Variants in HEATR4 observed in about 807,000 individuals in gnomAD.
HEATR4 encodes HEAT repeat containing 4, also known as HEAT repeat-containing protein 4.
Under a neutral mutation model 108.8 loss-of-function variants are expected in HEATR4, and 95 were observed. That is an observed-to-expected ratio of 0.87 (90% CI 0.74 to 1.04). The LOEUF (loss-of-function observed/expected upper bound fraction) is 1.04. Among genes scored for constraint, HEATR4 ranks in the 50% least tolerant of loss-of-function variants. The pLI, the probability that HEATR4 is intolerant of heterozygous loss-of-function variation, is 0.00. For synonymous variants in HEATR4, 443 were observed against 459.4 expected (o/e 0.96, Z 0.46); for missense variants, 1,152 against 1,253.8 (o/e 0.92, Z 1.23).
At chr14:73,615,648 T>A in the HEATR4 span, among the ~76,000 whole-genome samples, 1 of 151,856 alleles carries the variant, frequency 6.6e-6, no homozygotes, top group Non-Finnish European at 1.5e-5. Context: ...GAGAATCGCT[T>A]GAACCCGGGG....
At chr14:73,569,479 C>T in the HEATR4 span, 5 of 1,612,710 alleles carry the variant, frequency 3.1e-6, no homozygotes, top group South Asian at 2.2e-5. Flanking sequence ...TGGGACGAAC[C>T]GGTGCGAATC....
At chr14:73,479,929 A>G (rs1418417694) in intron 17 of HEATR4, among the ~76,000 whole-genome samples, 2 of 152,036 alleles carry the variant, frequency 1.3e-5, no homozygotes. Context: ...CTCTCAGCCT[A>G]CTCTGGCTTG....
chr14:73,491,052 G>A (rs1321109304), intron 17 of HEATR4: 3 of 1,589,902 alleles, frequency 1.9e-6, no homozygotes, highest in Non-Finnish European at 1.7e-6. Flanking sequence ...GGGCCGTTGA[G>A]GCGCGGGCGG....
intron 2 of HEATR4, among the ~76,000 whole-genome samples, chr14:73,528,411 A>C (rs1365140031): frequency 6.7e-6 from 1 of 148,628 alleles, no homozygotes; most frequent in Non-Finnish European, 1.5e-5. Context: ...AAAAAAAAAA[A>C]AAACTTAAGG....
the HEATR4 span, chr14:73,592,529 T>C: frequency 1.6e-6 from 2 of 1,281,220 alleles, no homozygotes; most frequent in Non-Finnish European, 2.1e-6. Context: ...GAAGCTAACA[T>C]TGACTATGTC....
intron 1 of HEATR4, among the ~76,000 whole-genome samples, chr14:73,532,749 T>C (rs1888744926): frequency 1.8e-5 from 2 of 114,114 alleles, no homozygotes; most frequent in South Asian, 5.5e-4. Flanking sequence ...GGTCAGGAGA[T>C]TGAAACCATC....
rs1358949525 is a variant in HEATR4, at chr14:73,534,053, G to A, written c.-151-3809C>T. Among the ~76,000 whole-genome samples, 2 of 112,242 alleles carry A rather than the reference G, an allele frequency of 1.8e-5. 1 individual carries two copies. The highest frequency in any genetic ancestry group is 3.9e-5 in the Non-Finnish European group (2 of 51,804). 73.6% of individuals were successfully genotyped at this position (112,242 alleles called of 152,430 possible). A position where few individuals can be genotyped will look rare whatever the true frequency, so the allele number is the denominator to read the frequency against. ...ACCATCATGGTGCCATTGCACTCCAGCCTGGGTGACAGAGCAAGACCTAGT... is the reference window on the plus strand; with the variant it reads ...ACCATCATGGTGCCATTGCACTCCAACCTGGGTGACAGAGCAAGACCTAGT... On this transcript the variant is annotated intron_variant, in intron 1 of 17. Transcript: ENST00000553558.
intron 3 of HEATR4, 77 bp from the exon 4 acceptor site, chr14:73,521,116 C>T (rs895365162): frequency 2.3e-6 from 3 of 1,279,604 alleles, no homozygotes; most frequent in Admixed American, 1.9e-5. Context: ...ATCCACAGCT[C>T]GTTCCCTTTC....
rs1251101181 is a variant in HEATR4 at position 73,542,066 on chromosome 14, G to T, written c.-151-11822C>A. Among the ~76,000 whole-genome samples the T allele has an allele frequency of 1.8e-5, 2 of 112,760 alleles. 1 individual carries two copies. Among genetic ancestry groups the T allele is most frequent in the Non-Finnish European group, 3.8e-5 (2 of 52,490 alleles). The allele number at this position is 112,760 out of a possible 152,430, so 74.0% of individuals were successfully genotyped here. On this transcript the variant is annotated intron_variant, in intron 1 of 17. Transcript: ENST00000553558. ...AGACGGGGTTTCACAATATTTGTCA[G>T]GCTGGTCTTGAATTCCTGACCTCAA...
the HEATR4 span, among the ~76,000 whole-genome samples, chr14:73,597,702 T>C: frequency 6.6e-6 from 1 of 150,484 alleles, no homozygotes; most frequent in South Asian, 2.1e-4. Flanking sequence ...CAAGCAATTC[T>C]TCTGCCTCAG....
the HEATR4 span, chr14:73,569,453 T>C: frequency 7.2e-5 from 116 of 1,613,454 alleles, 1 homozygote; most frequent in South Asian, 8.8e-5. Flanking sequence ...TCCTGGAGCC[T>C]GCGGGCCGCT....
intron 6 of HEATR4, among the ~76,000 whole-genome samples, chr14:73,512,959 C>T (rs1395849610): frequency 6.6e-6 from 1 of 152,208 alleles, no homozygotes; most frequent in African/African-American, 2.4e-5. Flanking sequence ...CAGTCCTTGC[C>T]AGGCCATTAC....
At chr14:73,487,212 A>G (rs1885487551) in intron 17 of HEATR4, among the ~76,000 whole-genome samples, 1 of 148,982 alleles carries the variant, frequency 6.7e-6, no homozygotes, top group Non-Finnish European at 1.5e-5. Flanking sequence ...AAAGGTAAGC[A>G]ATGCTTAAAA....
intron 1 of HEATR4, chr14:73,537,109 G>A: frequency 4.2e-6 from 1 of 238,974 alleles, no homozygotes; most frequent in Non-Finnish European, 7.3e-6. Context: ...TCAGCCTCCC[G>A]AGTAGCCGGG....
At chr14:73,627,536 C>CTTACTGGTT in the HEATR4 span, among the ~76,000 whole-genome samples, 1 of 152,172 alleles carries the variant, frequency 6.6e-6, no homozygotes, top group South Asian at 2.1e-4. Flanking sequence ...CTTACTTCCA[C>CTTACTGGTT]TTACTGGTTT....
upstream of HEATR4, among the ~76,000 whole-genome samples, chr14:73,561,516 G>A (rs987644506): frequency 1.3e-4 from 20 of 151,312 alleles, no homozygotes; most frequent in Admixed American, 6.6e-4. Context: ...AGTAAACCCC[G>A]TCTCTACTAA....
chr14:73,535,248 G>A (rs1888820328), intron 1 of HEATR4, among the ~76,000 whole-genome samples: 1 of 113,478 alleles, frequency 8.8e-6, no homozygotes, highest in South Asian at 2.8e-4. Context: ...ATTCCTAGAC[G>A]TGGAACTGTG....
In HEATR4 at chr14:73,551,675, G is replaced by A. The variant is rs1253740219; in HGVS notation, c.-152+7076C>T. Among the ~76,000 whole-genome samples the A allele has an allele frequency of 6.3e-5, 7 of 111,618 alleles. 2 individuals carry two copies. The highest frequency in any genetic ancestry group is 2.1e-4 in the Admixed American group (2 of 9,670). 73.2% of individuals were successfully genotyped at this position (111,618 alleles called of 152,430 possible). A position where few individuals can be genotyped will look rare whatever the true frequency, so the allele number is the denominator to read the frequency against. ...ATACACAAATTAGCCGGGTGTGGTG[G>A]TGCGCACCTGTAGTCCCAGCTACTC... On this transcript the variant is annotated intron_variant, in intron 1 of 17. Coordinates refer to ENST00000553558, the MANE Select transcript of HEATR4 (RefSeq NM_001220484.1).
the HEATR4 span, chr14:73,593,833 C>G: frequency 6.2e-7 from 1 of 1,614,072 alleles, no homozygotes; most frequent in Non-Finnish European, 8.5e-7. Context: ...TGAAGATCTC[C>G]CCAATAACAT....
Sources: allele counts gnomAD v4.1 joint callset (sites outside exome capture counted in the v4.1 genomes callset), GRCh38; gene constraint gnomAD v4.1.1; transcripts MANE v1.5; gene names NCBI Gene and HGNC (gene_info 2026-07-23, HGNC 2026-07-21).